The following EPHA3 variants were observed in gnomAD, a reference collection of about 807,000 sequenced individuals.
EPHA3 encodes the protein EPH receptor A3.
EPHA3 carries 42 observed loss-of-function variants against 107.1 expected under a neutral mutation model. The observed-to-expected ratio is 0.39, with a 90% CI of 0.31 to 0.51. EPHA3 has a LOEUF of 0.51. Ranked by LOEUF, EPHA3 falls within the 20% of genes least tolerant of loss-of-function variation. EPHA3 has a pLI of 0.78. For synonymous variants in EPHA3, 461 were observed against 424.8 expected (o/e 1.09, Z -1.05); for missense variants, 1,183 against 1,211.2 (o/e 0.98, Z 0.35).
At chr3:89,134,381 C>T (rs1403320212) in intron 2 of EPHA3, among the ~76,000 whole-genome samples, 1 of 152,006 alleles carries the variant, frequency 6.6e-6, no homozygotes, top group Non-Finnish European at 1.5e-5. Flanking sequence ...CCGCATCCCA[C>T]AACAGGCCCT....
intron 3 of EPHA3, among the ~76,000 whole-genome samples, chr3:89,227,773 G>A (rs921081759): frequency 2.6e-5 from 4 of 151,916 alleles, no homozygotes; most frequent in African/African-American, 9.7e-5. Context: ...GGATATCCTA[G>A]AACATGATGG....
At position 89,421,751 on chromosome 3, in the gene EPHA3, G is replaced by A. The variant is rs116125860; in HGVS notation, c.2074+2361G>A. On this transcript the variant is annotated intron_variant, in intron 11 of 16. Coordinates refer to ENST00000336596, the MANE Select transcript of EPHA3 (RefSeq NM_005233.6). Reference sequence around the variant, plus strand: ...TGATAAGCAACATTAAACTATAAATGTTGTGGCAAATTTCCTTTAGATATA... The same window carrying A: ...TGATAAGCAACATTAAACTATAAATATTGTGGCAAATTTCCTTTAGATATA... Among the ~76,000 whole-genome samples the A allele has an allele frequency of 9.7e-3, 1,465 of 151,300 alleles. 26 individuals are homozygous for A. The highest frequency in any genetic ancestry group is 0.034 in the African/African-American group (1,402 of 41,400).
At chr3:89,393,280 G>A (rs1022107588) in intron 5 of EPHA3, among the ~76,000 whole-genome samples, 1 of 152,118 alleles carries the variant, frequency 6.6e-6, no homozygotes, top group African/African-American at 2.4e-5. Flanking sequence ...GTCCAACAGG[G>A]TCCTGCAGCT....
At chr3:89,292,226 A>C (rs1706223652) in intron 3 of EPHA3, among the ~76,000 whole-genome samples, 1 of 152,220 alleles carries the variant, frequency 6.6e-6, no homozygotes, top group Admixed American at 6.5e-5. Flanking sequence ...TGAATCAAAA[A>C]AGATTTTTAA....
rs1161653294 is a variant in EPHA3, at chr3:89,431,189, A to G, written c.2176A>G (p.Met726Val). Residue 726 changes from methionine to valine, a missense_variant, in exon 13 of 17, where the codon ATG becomes GTG. Met to Val is a conservative substitution (Grantham distance 21, BLOSUM62 1). Coordinates refer to ENST00000336596, the MANE Select transcript of EPHA3 (RefSeq NM_005233.6). ...GTTTACTGTCATTCAGCTAGTGGGG[A>G]TGCTTCGAGGGATAGCATCTGGCAT... ...AQFTVIQLVG[M>V]LRGIASGMKY... 1 of 1,613,730 alleles carries G rather than the reference A, an allele frequency of 6.2e-7. No homozygotes were observed. Among genetic ancestry groups the G allele is most frequent in the East Asian group, 2.2e-5 (1 of 44,818 alleles).
intron 1 of EPHA3, among the ~76,000 whole-genome samples, chr3:89,118,080 T>G (rs1179798427): frequency 9.5e-6 from 1 of 105,306 alleles, no homozygotes; most frequent in Non-Finnish European, 2.4e-5. Context: ...TATTTTTCTC[T>G]TGGTTTACTT....
chr3:89,239,127 A>G (rs1704836198), intron 3 of EPHA3, among the ~76,000 whole-genome samples: 1 of 152,182 alleles, frequency 6.6e-6, no homozygotes, highest in African/African-American at 2.4e-5. Context: ...TTTGTAGCTC[A>G]AAGTCAAAAA....
intron 7 of EPHA3, among the ~76,000 whole-genome samples, chr3:89,401,459 C>A (rs186455572): frequency 3.3e-5 from 5 of 152,280 alleles, no homozygotes; most frequent in Admixed American, 3.3e-4. Flanking sequence ...CAAGTGCCAA[C>A]AAGGTTTAAA....
chr3:89,273,714 G>A (rs968991933), intron 3 of EPHA3, among the ~76,000 whole-genome samples: 2 of 148,758 alleles, frequency 1.3e-5, no homozygotes, highest in African/African-American at 5.1e-5. Flanking sequence ...TCAATACATA[G>A]TCTTATTTTA....
chr3:89,467,143 C>T (rs184026098), intron 15 of EPHA3, among the ~76,000 whole-genome samples: 1,553 of 152,074 alleles, frequency 0.01, 14 homozygotes, highest in South Asian at 0.021. Flanking sequence ...CATCGGCAAT[C>T]AACATTAAAA....
chr3:89,221,801 TATA>T (rs1704383362), intron 3 of EPHA3, among the ~76,000 whole-genome samples: 1 of 152,144 alleles, frequency 6.6e-6, no homozygotes, highest in Non-Finnish European at 1.5e-5. Flanking sequence ...CTTTTCATAA[TATA>T]ATATGTCAAT....
chr3:89,177,792 T>C (rs1705351900), intron 2 of EPHA3, among the ~76,000 whole-genome samples: 1 of 152,196 alleles, frequency 6.6e-6, no homozygotes, highest in Admixed American at 6.5e-5. Context: ...GTTTTATATT[T>C]GCATTCACTG....
At chr3:89,451,052 A>G (rs1431575773) in intron 15 of EPHA3, among the ~76,000 whole-genome samples, 2 of 152,230 alleles carry the variant, frequency 1.3e-5, no homozygotes, top group Non-Finnish European at 2.9e-5. Flanking sequence ...CCAGTTAATT[A>G]AACAAATATT....
intron 2 of EPHA3, among the ~76,000 whole-genome samples, chr3:89,190,309 C>G (rs1705678891): frequency 6.6e-6 from 1 of 152,184 alleles, no homozygotes; most frequent in South Asian, 2.1e-4. Flanking sequence ...TTTTTCCTAA[C>G]TCTCTTCAAA....
intron 3 of EPHA3, among the ~76,000 whole-genome samples, chr3:89,263,974 A>G (rs1705479864): frequency 6.6e-6 from 1 of 152,134 alleles, no homozygotes; most frequent in Admixed American, 6.5e-5. Flanking sequence ...TACTCAACCC[A>G]GTAGAGTCTG....
Position 89,360,291 on chromosome 3 carries a change from A to G in EPHA3, c.1306+18201A>G, listed in dbSNP as rs575709107. Among the ~76,000 whole-genome samples the G allele has an allele frequency of 5.3e-4, 80 of 151,064 alleles. 2 individuals are homozygous for G. The highest frequency in any genetic ancestry group is 1.8e-3 in the African/African-American group (74 of 41,426). On this transcript the variant is annotated intron_variant, in intron 5 of 16. Transcript: ENST00000336596. ...TAGAAAACTAATGTTACTTGCCAAA[A>G]ATTTATGACTAATTAGATAATAATT...
At chr3:89,209,327 C>A (rs1576232311) in intron 2 of EPHA3, among the ~76,000 whole-genome samples, 1 of 151,728 alleles carries the variant, frequency 6.6e-6, no homozygotes, top group Non-Finnish European at 1.5e-5. Context: ...TTTCATAGTT[C>A]TGCAACACAT....
At position 89,400,947 on chromosome 3, in the gene EPHA3, C is replaced by T. The variant is rs563523470; in HGVS notation, c.1594+1467C>T. Among the ~76,000 whole-genome samples, 22 of 152,330 alleles carry T rather than the reference C, an allele frequency of 1.4e-4. No individual in the cohort carries two copies. In the East Asian group the frequency reaches 3.1e-3, roughly 21 times the overall value. ...GAAAGGTCTGACAATGCTCAACACTCTGCTGAATGGAATATAATAATCTTC... is the reference window on the plus strand; with the variant it reads ...GAAAGGTCTGACAATGCTCAACACTTTGCTGAATGGAATATAATAATCTTC... On this transcript the variant is annotated intron_variant, in intron 7 of 16. Transcript: ENST00000336596.
At chr3:89,386,052 G>T (rs1258042466) in intron 5 of EPHA3, among the ~76,000 whole-genome samples, 2 of 152,150 alleles carry the variant, frequency 1.3e-5, no homozygotes, top group Non-Finnish European at 2.9e-5. Context: ...ATAATTTAAG[G>T]TATCTGGTGG....
Sources: gnomAD v4.1 joint callset for allele counts (sites outside exome capture counted in the v4.1 genomes callset) on GRCh38, gnomAD v4.1.1 for gene constraint, MANE v1.5 for transcripts, NCBI Gene and HGNC (gene_info 2026-07-23, HGNC 2026-07-21) for gene names.